The following C9orf85 variants were observed in gnomAD, a reference collection of about 807,000 sequenced individuals.
The protein encoded by C9orf85 is uncharacterized protein C9orf85.
C9orf85 carries 16 observed loss-of-function variants against 14.9 expected under a neutral mutation model. The ratio of observed to expected loss-of-function variants is 1.08; its 90% CI spans 0.73 to 1.63. The LOEUF (loss-of-function observed/expected upper bound fraction) is 1.63, where lower values mean the gene tolerates loss of function less well. Ranked by LOEUF, C9orf85 falls within the 40% of genes most tolerant of loss-of-function variation. The pLI is 0.00. For synonymous variants in C9orf85, 45 were observed against 56.8 expected (o/e 0.79, Z 0.93); for missense variants, 172 against 186.1 (o/e 0.92, Z 0.44).
chr9:71,954,114 GA>G (rs566793068), intron 2 of C9orf85, among the ~76,000 whole-genome samples: 26 of 130,074 alleles, frequency 2.0e-4, no homozygotes, highest in Middle Eastern at 3.8e-3. Context: ...CCCCAGCTTG[GA>G]AAAAAAAAAA....
At chr9:71,947,879 C>A (rs1043658308) in intron 2 of C9orf85, among the ~76,000 whole-genome samples, 1 of 152,190 alleles carries the variant, frequency 6.6e-6, no homozygotes, top group Non-Finnish European at 1.5e-5. Context: ...CTCCTGACCT[C>A]AGGTGATCTG....
chr9:71,962,324 G>A (rs1024880380), intron 2 of C9orf85, among the ~76,000 whole-genome samples: 2 of 152,156 alleles, frequency 1.3e-5, no homozygotes, highest in African/African-American at 4.8e-5. Flanking sequence ...AGAATTTGGG[G>A]ATATTGTTTC....
chr9:71,918,718 A>G (rs901683450), intron 1 of C9orf85, among the ~76,000 whole-genome samples: 1 of 152,182 alleles, frequency 6.6e-6, no homozygotes, highest in South Asian at 2.1e-4. Context: ...TGTGCTCCTT[A>G]TGAGAATCTA....
At chr9:71,917,704 A>G (rs1260827728) in intron 1 of C9orf85, among the ~76,000 whole-genome samples, 1 of 152,270 alleles carries the variant, frequency 6.6e-6, no homozygotes, top group Non-Finnish European at 1.5e-5. Flanking sequence ...CAGATACAAA[A>G]GAGCATACTA....
chr9:71,915,856 T>C (rs2132243511), intron 1 of C9orf85, among the ~76,000 whole-genome samples: 1 of 152,328 alleles, frequency 6.6e-6, no homozygotes, highest in Non-Finnish European at 1.5e-5. Context: ...AGCACAAATG[T>C]GGATTAGCTT....
chr9:71,929,982 T>C (rs1828032247), intron 1 of C9orf85, among the ~76,000 whole-genome samples: 1 of 150,836 alleles, frequency 6.6e-6, no homozygotes, highest in East Asian at 2.0e-4. Context: ...AGGATAATTA[T>C]ACCTACTCGT....
chr9:71,972,631 T>G, intron 3 of C9orf85, 61 bp from the exon 4 acceptor site: 2 of 1,284,348 alleles, frequency 1.6e-6, no homozygotes, highest in Non-Finnish European at 2.2e-6. Flanking sequence ...GTCTTTTCAA[T>G]CTACATGGTT....
At chr9:71,972,647 A>G (rs1384713471) in intron 3 of C9orf85, 45 bp from the exon 4 acceptor site, 2 of 1,421,844 alleles carry the variant, frequency 1.4e-6, no homozygotes, top group African/African-American at 2.9e-5. Flanking sequence ...TGGTTAAATA[A>G]TGATAGCCTG....
intron 1 of C9orf85, among the ~76,000 whole-genome samples, chr9:71,940,488 T>C (rs1164153799): frequency 2.0e-5 from 3 of 152,150 alleles, no homozygotes; most frequent in African/African-American, 7.2e-5. Flanking sequence ...CATCAAAAGA[T>C]GTTCAACATT....
chr9:71,924,231 C>A (rs1483589688), intron 1 of C9orf85, among the ~76,000 whole-genome samples: 2 of 152,122 alleles, frequency 1.3e-5, no homozygotes, highest in African/African-American at 2.4e-5. Context: ...TTTTCTCAAC[C>A]TTAGTCCTAA....
chr9:71,918,809 G>A (rs1233266123), intron 1 of C9orf85, among the ~76,000 whole-genome samples: 1 of 152,090 alleles, frequency 6.6e-6, no homozygotes, highest in African/African-American at 2.4e-5. Flanking sequence ...GGCTCCCAAT[G>A]ATTCTACATT....
At position 71,911,848 on chromosome 9, in the gene C9orf85, C is replaced by G. The variant is rs141648265; in HGVS notation, c.102+12C>G. ...GTGTGCAGACCAAGGTAGGAACCTGCCTGTTGCACCGTCTTTGACTCCAGG... is the reference window on the plus strand; with the variant it reads ...GTGTGCAGACCAAGGTAGGAACCTGGCTGTTGCACCGTCTTTGACTCCAGG... On this transcript the variant is annotated intron_variant, in intron 1 of 3. Coordinates refer to ENST00000334731, the MANE Select transcript of C9orf85 (RefSeq NM_182505.5). 392 of 1,608,426 alleles carry G rather than the reference C, an allele frequency of 2.4e-4. 3 individuals are homozygous for G. The East Asian group carries it at 8.7e-3, about 36-fold the overall frequency.
chr9:71,981,086 C>G (rs1589278931), intron 3 of C9orf85, among the ~76,000 whole-genome samples: 1 of 152,166 alleles, frequency 6.6e-6, no homozygotes, highest in Non-Finnish European at 1.5e-5. Flanking sequence ...CCAGAGGAAG[C>G]AAGCCACAGT....
chr9:71,927,453 T>C (rs1038362643), intron 1 of C9orf85, among the ~76,000 whole-genome samples: 5 of 152,080 alleles, frequency 3.3e-5, no homozygotes, highest in Non-Finnish European at 7.4e-5. Flanking sequence ...GTAAATCTTT[T>C]AGAAGAAAAA....
intron 1 of C9orf85, among the ~76,000 whole-genome samples, chr9:71,916,747 A>G (rs1827662092): frequency 6.6e-6 from 1 of 152,198 alleles, no homozygotes; most frequent in Non-Finnish European, 1.5e-5. Flanking sequence ...TATTTACATT[A>G]TATCAGTTTA....
intron 1 of C9orf85, among the ~76,000 whole-genome samples, chr9:71,936,221 T>C (rs541987167): frequency 3.4e-4 from 52 of 152,172 alleles, no homozygotes; most frequent in African/African-American, 1.3e-3. Flanking sequence ...ATCTGAGACA[T>C]CAGAACTTCC....
intron 1 of C9orf85, among the ~76,000 whole-genome samples, chr9:71,927,627 G>C (rs1827963032): frequency 6.6e-6 from 1 of 152,136 alleles, no homozygotes; most frequent in Non-Finnish European, 1.5e-5. Flanking sequence ...GGCCTTTGTA[G>C]TGTTAATAGT....
intron 1 of C9orf85, among the ~76,000 whole-genome samples, chr9:71,928,841 A>G (rs1589249953): frequency 6.6e-6 from 1 of 152,242 alleles, no homozygotes. Context: ...CATTAAGAAT[A>G]TATATTAATT....
chr9:71,947,026 T>A lies in C9orf85; in HGVS notation c.123T>A (p.His41Gln). 6.2e-7 allele frequency: 1 copy of A among 1,612,604 alleles called. No homozygotes were observed. Among genetic ancestry groups the A allele is most frequent in the Non-Finnish European group, 8.5e-7 (1 of 1,179,254 alleles). ...TTAAGAAAATTAATGCAAAACTTCA[T>A]GATGGAGTATGTCAGCGCTGTAAAG... ...VQTKKINAKLHDGVCQRCKEV... is the reference protein window; with the variant it reads ...VQTKKINAKLQDGVCQRCKEV... Residue 41 changes from histidine (H) to glutamine (Q), a missense_variant, in exon 2 of 4, where the codon CAT becomes CAA. Coordinates refer to ENST00000334731, the MANE Select transcript of C9orf85 (RefSeq NM_182505.5).
Sources: gnomAD v4.1 joint callset for allele counts (sites outside exome capture counted in the v4.1 genomes callset) on GRCh38, gnomAD v4.1.1 for gene constraint, MANE v1.5 for transcripts, NCBI Gene and HGNC (gene_info 2026-07-23, HGNC 2026-07-21) for gene names.